EYS: variants seen among roughly 807,000 people sequenced by gnomAD.
The protein encoded by EYS is EGF-like photoreceptor maintenance factor, also known as protein eyes shut homolog.
Under a neutral mutation model 282.1 loss-of-function variants are expected in EYS, and 250 were observed. That is an observed-to-expected ratio of 0.89 (90% CI 0.80 to 0.98). The LOEUF (loss-of-function observed/expected upper bound fraction) is 0.98. Among genes scored for constraint, EYS ranks in the 50% least tolerant of loss-of-function variants. EYS has a pLI of 0.00. For synonymous variants in EYS, 1,355 were observed against 1,282.9 expected, an observed-to-expected ratio of 1.06 and a Z score of -1.20; for missense variants, 4,016 against 3,709.0, an observed-to-expected ratio of 1.08 and a Z score of -2.15.
At chr6:64,746,849 A>G (rs567308827) in intron 22 of EYS, among the ~76,000 whole-genome samples, 1 of 152,356 alleles carries the variant, frequency 6.6e-6, no homozygotes, top group South Asian at 2.1e-4. Flanking sequence ...ATAAATATAC[A>G]TGCAATTTTA....
At chr6:65,680,774 C>A (rs1768786254) in intron 1 of EYS, among the ~76,000 whole-genome samples, 1 of 151,936 alleles carries the variant, frequency 6.6e-6, no homozygotes, top group African/African-American at 2.4e-5. Flanking sequence ...TCACCATCAG[C>A]AAAGAAGTGA....
chr6:64,665,577 T>G (rs1769202282), intron 22 of EYS, among the ~76,000 whole-genome samples: 1 of 152,222 alleles, frequency 6.6e-6, no homozygotes, highest in Non-Finnish European at 1.5e-5. Context: ...TATTTAAATG[T>G]CTTAAGTTAA....
intron 28 of EYS, among the ~76,000 whole-genome samples, chr6:64,425,379 G>A (rs551067996): frequency 6.6e-6 from 1 of 152,202 alleles, no homozygotes; most frequent in Non-Finnish European, 1.5e-5. Flanking sequence ...AAGCAGCCAG[G>A]TGTGGTGGCT....
chr6:65,076,050 A>T (rs2150168717), intron 12 of EYS, among the ~76,000 whole-genome samples: 1 of 152,160 alleles, frequency 6.6e-6, no homozygotes, highest in South Asian at 2.1e-4. Context: ...AATGACAACT[A>T]CATAATTTAA....
intron 26 of EYS, among the ~76,000 whole-genome samples, chr6:64,498,038 A>T (rs898315170): frequency 6.6e-6 from 1 of 152,186 alleles, no homozygotes; most frequent in African/African-American, 2.4e-5. Flanking sequence ...GATAAAGTAT[A>T]TTAAAACCAG....
intron 22 of EYS, among the ~76,000 whole-genome samples, chr6:64,755,227 C>T (rs1199332809): frequency 1.3e-5 from 2 of 151,966 alleles, no homozygotes; most frequent in East Asian, 1.9e-4. Flanking sequence ...TCTATGAATA[C>T]ATTTAACCAA....
At chr6:65,457,103 G>T (rs1764648901) in intron 5 of EYS, among the ~76,000 whole-genome samples, 1 of 152,132 alleles carries the variant, frequency 6.6e-6, no homozygotes, top group African/African-American at 2.4e-5. Context: ...GCAATTAATT[G>T]CTGATAGAAG....
intron 5 of EYS, among the ~76,000 whole-genome samples, chr6:65,443,351 CATATAT>C (rs1562186365): frequency 7.6e-6 from 1 of 131,686 alleles, no homozygotes; most frequent in Non-Finnish European, 1.8e-5. Flanking sequence ...CACATATAGA[CATATAT>C]GCATACATGT....
intron 2 of EYS, among the ~76,000 whole-genome samples, chr6:65,542,539 C>G (rs933583441): frequency 1.5e-4 from 23 of 150,330 alleles, no homozygotes; most frequent in African/African-American, 5.6e-4. Flanking sequence ...GGATATGTGT[C>G]AACACCAATC....
chr6:64,119,989 A>G (rs1582296766), intron 31 of EYS, among the ~76,000 whole-genome samples: 1 of 146,492 alleles, frequency 6.8e-6, no homozygotes, highest in Non-Finnish European at 1.5e-5. Context: ...TAGTGTTTTA[A>G]CATTACATTT....
At chr6:64,458,522 AGGTTTTG>A (rs999058581) in intron 26 of EYS, among the ~76,000 whole-genome samples, 28 of 151,980 alleles carry the variant, frequency 1.8e-4, no homozygotes, top group African/African-American at 6.3e-4. Context: ...CTGGCACATA[AGGTTTTG>A]GCTGCAAAGT....
At chr6:64,264,242 C>G (rs1767683050) in intron 30 of EYS, among the ~76,000 whole-genome samples, 1 of 152,128 alleles carries the variant, frequency 6.6e-6, no homozygotes, top group African/African-American at 2.4e-5. Flanking sequence ...CTCCAAAACA[C>G]CACACTTTTA....
At chr6:64,326,463 T>C (rs1415334870) in intron 29 of EYS, among the ~76,000 whole-genome samples, 1 of 152,224 alleles carries the variant, frequency 6.6e-6, no homozygotes, top group East Asian at 1.9e-4. Context: ...TCTCACATAG[T>C]TGCTGCTTTA....
chr6:64,245,430 TA>T (rs555250837), intron 30 of EYS, among the ~76,000 whole-genome samples: 5 of 149,374 alleles, frequency 3.3e-5, no homozygotes, highest in Non-Finnish European at 7.4e-5. Context: ...TCCTCTTACC[TA>T]AGCCTCCCAA....
At chr6:65,355,162 T>A (rs902193834) in intron 8 of EYS, among the ~76,000 whole-genome samples, 9 of 152,090 alleles carry the variant, frequency 5.9e-5, no homozygotes, top group Non-Finnish European at 1.0e-4. Flanking sequence ...GTAGAGTCAT[T>A]TCTTCACTTA....
At chr6:64,066,209 C>T (rs945220910) in intron 33 of EYS, 129 bp downstream of exon 33, 15 of 717,008 alleles carry the variant, frequency 2.1e-5, no homozygotes, top group East Asian at 1.2e-4. Context: ...ACCCGGGAGG[C>T]GGAGGTTGTA....
intron 31 of EYS, among the ~76,000 whole-genome samples, chr6:64,189,859 G>C (rs1341751948): frequency 1.3e-5 from 2 of 152,092 alleles, no homozygotes; most frequent in Non-Finnish European, 2.9e-5. Context: ...AGAATGCATA[G>C]CCCACAAAGC....
intron 35 of EYS, among the ~76,000 whole-genome samples, chr6:63,902,287 C>G (rs934330538): frequency 1.1e-4 from 17 of 152,012 alleles, no homozygotes; most frequent in Admixed American, 6.6e-5. Flanking sequence ...GAATTTTATG[C>G]CCAGCAAAAA....
At chr6:64,468,620 A>T (rs991506411) in intron 26 of EYS, among the ~76,000 whole-genome samples, 1 of 152,056 alleles carries the variant, frequency 6.6e-6, no homozygotes, top group Non-Finnish European at 1.5e-5. Flanking sequence ...AAAACATACT[A>T]CCCAATATGT....
Sources: allele counts gnomAD v4.1 joint callset (sites outside exome capture counted in the v4.1 genomes callset), GRCh38; gene constraint gnomAD v4.1.1; transcripts MANE v1.5; gene names NCBI Gene and HGNC (gene_info 2026-07-23, HGNC 2026-07-21).